The following TF variants were observed in gnomAD, a reference collection of about 807,000 sequenced individuals.
The protein encoded by TF is transferrin.
TF carries 55 observed loss-of-function variants against 82.4 expected under a neutral mutation model. The ratio of observed to expected loss-of-function variants is 0.67; its 90% CI spans 0.54 to 0.84. The LOEUF is 0.84. Ranked by LOEUF, TF falls within the 40% of genes least tolerant of loss-of-function variation. The pLI is 0.00. For missense variants in TF, 737 were observed against 868.4 expected, an observed-to-expected ratio of 0.85 and a Z score of 1.90; for synonymous variants, 332 against 332.6, an observed-to-expected ratio of 1.00 and a Z score of 0.02.
At chr3:133,680,826 G>A in the TF span, among the ~76,000 whole-genome samples, 5 of 152,176 alleles carry the variant, frequency 3.3e-5, no homozygotes, top group Non-Finnish European at 7.3e-5. Context: ...AGGTTTCGGA[G>A]TCAAACAGAC....
At chr3:133,737,521 T>C in the TF span, among the ~76,000 whole-genome samples, 2 of 151,182 alleles carry the variant, frequency 1.3e-5, no homozygotes, top group Admixed American at 6.6e-5. Context: ...AAAAAATCAA[T>C]GAATCCAGGA....
At chr3:133,714,601 C>T in the TF span, among the ~76,000 whole-genome samples, 9 of 152,292 alleles carry the variant, frequency 5.9e-5, no homozygotes, top group South Asian at 1.7e-3. Flanking sequence ...AATGAACATA[C>T]ACATAAAAAG....
chr3:133,693,137 G>T, the TF span, among the ~76,000 whole-genome samples: 250 of 152,332 alleles, frequency 1.6e-3, 2 homozygotes, highest in African/African-American at 5.7e-3. Flanking sequence ...CTTCTCTGAG[G>T]AAAGGTGTCA....
the TF span, among the ~76,000 whole-genome samples, chr3:133,682,191 C>G: frequency 2.6e-5 from 4 of 152,038 alleles, no homozygotes; most frequent in Non-Finnish European, 4.4e-5. Flanking sequence ...ACACCAAAAC[C>G]CCATCTGTAC....
chr3:133,777,153 A>G lies in TF; in HGVS notation c.1977A>G (p.Lys659=). The change falls in exon 16 of 17, where the codon AAA becomes AAG. Residue 659 remains lysine (K), a synonymous_variant. Coordinates refer to ENST00000402696, the MANE Select transcript of TF (RefSeq NM_001063.4). Reference sequence around the variant, plus strand: ...GAGATGACACAGTATGTTTGGCCAAACTTCATGACAGAAACACATATGAAA... The same window carrying G: ...GAGATGACACAGTATGTTTGGCCAAGCTTCATGACAGAAACACATATGAAA... The part of the protein sequence containing the change: ...LFRDDTVCLA[K]LHDRNTYEKY... 1 of 1,614,164 alleles carries G rather than the reference A, an allele frequency of 6.2e-7. No individual in the cohort carries two copies. The highest frequency in any genetic ancestry group is 8.5e-7 in the Non-Finnish European group (1 of 1,180,036).
At chr3:133,746,606 C>T (rs1023913598) in intron 1 of TF, 123 bp downstream of exon 1, 28 of 1,145,544 alleles carry the variant, frequency 2.4e-5, no homozygotes, top group Admixed American at 6.0e-5. Flanking sequence ...TGTCTGGGTG[C>T]CTTTCCATTG....
At chr3:133,687,910 T>C in the TF span, among the ~76,000 whole-genome samples, 3 of 152,262 alleles carry the variant, frequency 2.0e-5, no homozygotes, top group Non-Finnish European at 2.9e-5. Flanking sequence ...ATGTGTTTCT[T>C]TGAATCCCTG....
chr3:133,753,915 A>T (rs1933747188), intron 3 of TF: 1 of 637,590 alleles, frequency 1.6e-6, no homozygotes, highest in Non-Finnish European at 2.8e-6. Context: ...CCTAAAACTG[A>T]GCCCTGGGCC....
the TF span, among the ~76,000 whole-genome samples, chr3:133,669,600 C>T: frequency 2.8e-4 from 42 of 152,330 alleles, 1 homozygote; most frequent in African/African-American, 6.5e-4. Context: ...CTACCTTCCA[C>T]GCTCTTCCTT....
At chr3:133,674,744 C>T in the TF span, among the ~76,000 whole-genome samples, 1 of 150,104 alleles carries the variant, frequency 6.7e-6, no homozygotes, top group Non-Finnish European at 1.5e-5. Context: ...GGACCCTGCG[C>T]GACAACCGGA....
At chr3:133,684,240 A>G in the TF span, among the ~76,000 whole-genome samples, 22 of 152,370 alleles carry the variant, frequency 1.4e-4, no homozygotes, top group Middle Eastern at 3.4e-3. Context: ...AATGCCCACA[A>G]GAGAAGGCAG....
At chr3:133,711,266 A>G in the TF span, among the ~76,000 whole-genome samples, 1 of 152,196 alleles carries the variant, frequency 6.6e-6, no homozygotes, top group Non-Finnish European at 1.5e-5. Flanking sequence ...GATAAGCACT[A>G]GGTAAATGCT....
rs1934767779 is a variant in TF, at chr3:133,789,247, G to A, written c.*10627G>A. ...TTGGCCCCAATATGGTTTGGATTCT[G>A]GCATTTGCTGTTGAATGGGAAAGCG... On this transcript the variant is annotated 3_prime_UTR_variant, in exon 17 of 17. Coordinates refer to ENST00000402696, the MANE Select transcript of TF (RefSeq NM_001063.4). 6.6e-6 allele frequency: 1 copy of A among 152,370 alleles called. No homozygotes were observed. Among genetic ancestry groups the A allele is most frequent in the African/African-American group, 2.4e-5 (1 of 41,466 alleles). 9.4% of individuals were successfully genotyped at this position (152,370 alleles called of 1,614,324 possible).
chr3:133,741,375 T>A (rs76982301), upstream of TF, among the ~76,000 whole-genome samples: 2,005 of 152,312 alleles, frequency 0.013, 41 homozygotes, highest in African/African-American at 0.045. Context: ...GATGAGAATT[T>A]ATTTTTTTCC....
the TF span, among the ~76,000 whole-genome samples, chr3:133,717,532 T>C: frequency 6.6e-6 from 1 of 152,170 alleles, no homozygotes; most frequent in Non-Finnish European, 1.5e-5. Flanking sequence ...AGTCCCAATG[T>C]TGTTACAGTT....
At chr3:133,718,767 GA>G in the TF span, among the ~76,000 whole-genome samples, 2 of 152,214 alleles carry the variant, frequency 1.3e-5, no homozygotes, top group Non-Finnish European at 2.9e-5. Context: ...CTAGAGTAGA[GA>G]AAGGAAAGCA....
the TF span, chr3:133,694,309 AC>A: frequency 6.5e-6 from 1 of 152,844 alleles, no homozygotes; most frequent in African/African-American, 2.4e-5. Flanking sequence ...AAAGGGACAG[AC>A]AAGTGTGCCT....
chr3:133,704,866 TC>T, the TF span, among the ~76,000 whole-genome samples: 1 of 151,082 alleles, frequency 6.6e-6, no homozygotes. Context: ...AAAGAGGGTT[TC>T]CCTAATATCA....
intron 9 of TF, chr3:133,760,491 C>T (rs1460917477): frequency 1.3e-5 from 2 of 153,794 alleles, no homozygotes; most frequent in East Asian, 1.9e-4. Context: ...AATTCAAAAC[C>T]TGAGTCTATA....
Sources: gnomAD v4.1 joint callset for allele counts (sites outside exome capture counted in the v4.1 genomes callset) on GRCh38, gnomAD v4.1.1 for gene constraint, MANE v1.5 for transcripts, NCBI Gene and HGNC (gene_info 2026-07-23, HGNC 2026-07-21) for gene names.